Variants in ADAM20 observed in about 807,000 individuals in gnomAD.
The protein encoded by ADAM20 is ADAM metallopeptidase domain 20.
For synonymous variants in ADAM20, 305 were observed against 310.2 expected, an observed-to-expected ratio of 0.98 and a Z score of 0.18; for missense variants, 871 against 883.2, an observed-to-expected ratio of 0.99 and a Z score of 0.18.
At chr14:70,531,766 T>A (rs1283818760) in intron 1 of ADAM20, among the ~76,000 whole-genome samples, 1 of 151,870 alleles carries the variant, frequency 6.6e-6, no homozygotes, top group Non-Finnish European at 1.5e-5. Flanking sequence ...TCAGAAAGAA[T>A]AAAATACTTA....
chr14:70,533,300 C>T (rs541206652), intron 1 of ADAM20, among the ~76,000 whole-genome samples: 30 of 152,250 alleles, frequency 2.0e-4, no homozygotes, highest in African/African-American at 5.8e-4. Context: ...CACATGCACA[C>T]GTATGTTTAC....
In ADAM20 at chr14:70,524,933, A is replaced by C. The variant is rs74062730; in HGVS notation, c.-176T>G. 156,867 of 1,561,324 alleles carry C rather than the reference A, an allele frequency of 0.1. 11,505 individuals are homozygous for C. The highest frequency in any genetic ancestry group is 0.47 in the East Asian group (20,565 of 44,218). On this transcript the variant is annotated splice_region_variant and 5_prime_UTR_variant, in exon 2 of 2. Coordinates refer to ENST00000256389, the MANE Select transcript of ADAM20 (RefSeq NM_003814.5). ...CAGAGCTGCAGTGCTGAAAATAAAA[A>C]CTGAAAGAGCCAGGATGGGGTGGGT... is the stretch of plus-strand genomic sequence containing the variant.
chr14:70,524,417 T>G lies in ADAM20; in HGVS notation c.341A>C (p.Tyr114Ser). 1 of 1,613,954 alleles carries G rather than the reference T, an allele frequency of 6.2e-7. No homozygotes were observed. Residue 114 changes from tyrosine (Y) to serine (S), a missense_variant, in exon 2 of 2, where the codon TAT becomes TCT. Coordinates refer to ENST00000256389, the MANE Select transcript of ADAM20 (RefSeq NM_003814.5). Reference sequence around the variant, plus strand: ...CAAGGACTCAGGGACCCCCTCCACATAACCATGGTAGTAGCAGTCATCCTG... The same window carrying G: ...CAAGGACTCAGGGACCCCCTCCACAGAACCATGGTAGTAGCAGTCATCCTG... ...FIQDDCYYHGYVEGVPESLVA... is the reference protein window; with the variant it reads ...FIQDDCYYHGSVEGVPESLVA...
rs776305162 is a variant in ADAM20 at position 70,523,022 on chromosome 14, G to A, written c.1736C>T (p.Ser579Phe). 5 of 1,614,000 alleles carry A rather than the reference G, an allele frequency of 3.1e-6. No homozygotes were observed. Among genetic ancestry groups the A allele is most frequent in the Non-Finnish European group, 4.2e-6 (5 of 1,179,958 alleles). The change falls in exon 2 of 2, where the codon TCT becomes TTT. Residue 579 changes from serine (S) to phenylalanine (F), a missense_variant. Physicochemically the swap from Ser to Phe is radical, Grantham distance 155. Transcript: ENST00000256389. Reference protein sequence around the residue: ...VGVIPNLIEHSTVQQFHLNDT... With the variant: ...VGVIPNLIEHFTVQQFHLNDT... ...ATTGAGGTGAAACTGCTGCACTGTA[G>A]AATGCTCTATCAGATTGGGAATTAC...
the ADAM20 span, among the ~76,000 whole-genome samples, chr14:70,579,367 T>C: frequency 2.6e-5 from 4 of 152,294 alleles, no homozygotes; most frequent in East Asian, 1.9e-4. Flanking sequence ...TTTTTAATAA[T>C]AGCCATCCTG....
the ADAM20 span, among the ~76,000 whole-genome samples, chr14:70,567,211 G>C: frequency 6.6e-6 from 1 of 151,448 alleles, no homozygotes; most frequent in Non-Finnish European, 1.5e-5. Flanking sequence ...ATACCTAGTG[G>C]ACCTCTGCCC....
chr14:70,537,722 G>A (rs1366042342), upstream of ADAM20, among the ~76,000 whole-genome samples: 1 of 152,126 alleles, frequency 6.6e-6, no homozygotes, highest in East Asian at 1.9e-4. Flanking sequence ...TCTCCACTGG[G>A]CTGTCTCCTT....
At position 70,522,543 on chromosome 14, in the gene ADAM20, ATAAAGTT is replaced by A. The variant is rs1459170073; in HGVS notation, c.*27_*33del. 1.3e-6 allele frequency: 2 copies of A among 1,488,226 alleles called. No individual in the cohort carries two copies. Among genetic ancestry groups the A allele is most frequent in the African/African-American group, 1.4e-5 (1 of 70,358 alleles). 92.2% of individuals were successfully genotyped at this position (1,488,226 alleles called of 1,614,324 possible). A position where few individuals can be genotyped will look rare whatever the true frequency, so the allele number is the denominator to read the frequency against. ...AAAAATTGGATATTAAAAATGAAGT[ATAAAGTT>A]TAGTCTCCTTCTTTTTCCCATTTCT... On this transcript the variant is annotated 3_prime_UTR_variant, in exon 2 of 2. Transcript: ENST00000256389.
At chr14:70,561,931 G>A in the ADAM20 span, among the ~76,000 whole-genome samples, 1 of 152,278 alleles carries the variant, frequency 6.6e-6, no homozygotes, top group Non-Finnish European at 1.5e-5. Flanking sequence ...GGGCAATGCA[G>A]AGGGGAAATG....
At position 70,524,072 on chromosome 14, in the gene ADAM20, G is replaced by C. The variant is rs750864131; in HGVS notation, c.686C>G (p.Thr229Arg). Reference protein sequence around the residue: ...RYLFSQSNATTVQHEVFNVVN... With the variant: ...RYLFSQSNATRVQHEVFNVVN... The stretch of plus-strand genomic sequence containing the variant: ...AACGTTAAATACTTCATGCTGCACT[G>C]TTGTTGCATTACTTTGAGAGAAAAG... The change falls in exon 2 of 2, where the codon ACA becomes AGA. Residue 229 changes from threonine to arginine, a missense_variant. Physicochemically the swap from Thr to Arg is moderately conservative, Grantham distance 71. Transcript: ENST00000256389. The C allele has an allele frequency of 6.2e-7, 1 of 1,613,938 alleles. No individual in the cohort carries two copies. Among genetic ancestry groups the C allele is most frequent in the Admixed American group, 1.7e-5 (1 of 59,976 alleles).
chr14:70,570,250 T>C, the ADAM20 span, among the ~76,000 whole-genome samples: 3 of 149,466 alleles, frequency 2.0e-5, no homozygotes, highest in South Asian at 2.1e-4. Flanking sequence ...ACAAACCAAA[T>C]CCAAAGGTAT....
the ADAM20 span, among the ~76,000 whole-genome samples, chr14:70,570,377 G>A: frequency 6.6e-6 from 1 of 152,068 alleles, no homozygotes; most frequent in East Asian, 1.9e-4. Context: ...TAGAGTGCTA[G>A]CAAGATTACT....
chr14:70,567,077 A>C, the ADAM20 span, among the ~76,000 whole-genome samples: 1 of 152,106 alleles, frequency 6.6e-6, no homozygotes, highest in Non-Finnish European at 1.5e-5. Flanking sequence ...CTCATGACCT[A>C]GGGCAAAGCT....
intron 1 of ADAM20, among the ~76,000 whole-genome samples, chr14:70,532,904 C>A (rs1041676407): frequency 6.6e-6 from 1 of 152,082 alleles, no homozygotes; most frequent in South Asian, 2.1e-4. Context: ...ATATGGCCAA[C>A]ACCATTTATG....
the ADAM20 span, among the ~76,000 whole-genome samples, chr14:70,561,022 C>T: frequency 1.3e-5 from 2 of 152,240 alleles, no homozygotes; most frequent in Admixed American, 1.3e-4. Context: ...TTGGAGGGCT[C>T]AGAAGAAGAC....
chr14:70,574,761 G>T, the ADAM20 span, among the ~76,000 whole-genome samples: 1 of 151,932 alleles, frequency 6.6e-6, no homozygotes, highest in African/African-American at 2.4e-5. Flanking sequence ...CAAAGATCAG[G>T]GCAGAAATAA....
chr14:70,523,169 C>T lies in ADAM20; in HGVS notation c.1589G>A (p.Cys530Tyr). ...GQDARSASQS[C>Y]YQEINTQGNR... ...TCCTTGGGTGTTGATTTCTTGGTAG[C>T]AACTCTGAGATGCACTCCTTGCATC... Residue 530 changes from cysteine to tyrosine, a missense_variant, in exon 2 of 2, where the codon TGC becomes TAC. Cys to Tyr is a radical substitution (Grantham distance 194). Transcript: ENST00000256389. 1 of 1,613,970 alleles carries T rather than the reference C, an allele frequency of 6.2e-7. No homozygotes were observed. Among genetic ancestry groups the T allele is most frequent in the Non-Finnish European group, 8.5e-7 (1 of 1,179,952 alleles).
chr14:70,542,642 AT>A, the ADAM20 span, among the ~76,000 whole-genome samples: 1 of 152,228 alleles, frequency 6.6e-6, no homozygotes, highest in African/African-American at 2.4e-5. Flanking sequence ...GTCAAAGCCA[AT>A]TTAAAAGGCC....
At chr14:70,575,469 G>A in the ADAM20 span, among the ~76,000 whole-genome samples, 2 of 151,932 alleles carry the variant, frequency 1.3e-5, no homozygotes, top group Non-Finnish European at 2.9e-5. Flanking sequence ...TAGATCCCAC[G>A]TTAACTATTC....
Sources: gnomAD v4.1 joint callset for allele counts (sites outside exome capture counted in the v4.1 genomes callset) on GRCh38, gnomAD v4.1.1 for gene constraint, MANE v1.5 for transcripts, NCBI Gene and HGNC (gene_info 2026-07-23, HGNC 2026-07-21) for gene names.